CCDC192: variants seen among roughly 807,000 people sequenced by gnomAD.
CCDC192 encodes the protein coiled-coil domain-containing protein 192.
intron 2 of CCDC192, among the ~76,000 whole-genome samples, chr5:127,708,069 A>G (rs1004579833): frequency 3.9e-5 from 6 of 152,136 alleles, no homozygotes; most frequent in African/African-American, 1.2e-4. Flanking sequence ...TACTATAGAC[A>G]TCCCTGGGCT....
intron 6 of CCDC192, among the ~76,000 whole-genome samples, chr5:127,918,957 G>GTGTGTCTGTGTGTATATATGTGTATATA: frequency 7.8e-6 from 1 of 128,136 alleles, no homozygotes; most frequent in African/African-American, 3.4e-5. Flanking sequence ...GTGTATATAT[G>GTGTGTCTGTGTGTATATATGTGTATATA]TGTGTGTCTG....
At chr5:127,825,713 G>C (rs1032983022) in intron 5 of CCDC192, among the ~76,000 whole-genome samples, 1 of 152,144 alleles carries the variant, frequency 6.6e-6, no homozygotes, top group East Asian at 1.9e-4. Context: ...TCACTTTATG[G>C]AGGGCCAAAG....
At chr5:127,893,993 A>C (rs1007659597) in intron 6 of CCDC192, among the ~76,000 whole-genome samples, 5 of 151,986 alleles carry the variant, frequency 3.3e-5, no homozygotes, top group African/African-American at 1.2e-4. Flanking sequence ...GAATTATAGC[A>C]AAAAGATAAA....
intron 2 of CCDC192, among the ~76,000 whole-genome samples, chr5:127,753,354 C>T (rs760831797): frequency 6.6e-6 from 1 of 152,108 alleles, no homozygotes; most frequent in African/African-American, 2.4e-5. Flanking sequence ...TTGTGTTTTC[C>T]TACCAATTTT....
chr5:127,722,162 T>C (rs1752064627), intron 2 of CCDC192, among the ~76,000 whole-genome samples: 2 of 152,228 alleles, frequency 1.3e-5, no homozygotes, highest in Admixed American at 6.5e-5. Context: ...CCATTTTAAC[T>C]GGGGTGAGAT....
At chr5:127,719,552 T>C (rs370213581) in intron 2 of CCDC192, among the ~76,000 whole-genome samples, 846 of 24,236 alleles carry the variant, frequency 0.035, 50 homozygotes, top group Middle Eastern at 0.26. Context: ...TATATATATA[T>C]ATATATACAC....
intron 5 of CCDC192, among the ~76,000 whole-genome samples, chr5:127,855,846 G>A (rs1395337660): frequency 6.6e-6 from 1 of 152,082 alleles, no homozygotes; most frequent in African/African-American, 2.4e-5. Flanking sequence ...CTGAGCAGTG[G>A]GTCTCAACAG....
At chr5:127,726,817 C>G (rs1025079337) in intron 2 of CCDC192, among the ~76,000 whole-genome samples, 34 of 152,322 alleles carry the variant, frequency 2.2e-4, no homozygotes, top group African/African-American at 7.9e-4. Flanking sequence ...AGTCTTTCCC[C>G]TTGCTGGCTC....
chr5:127,774,750 A>T (rs752421664), intron 3 of CCDC192, among the ~76,000 whole-genome samples: 2 of 152,160 alleles, frequency 1.3e-5, no homozygotes, highest in South Asian at 4.2e-4. Context: ...TTGAGATTTC[A>T]TATGAATTTT....
intron 5 of CCDC192, among the ~76,000 whole-genome samples, chr5:127,808,277 T>C (rs1220528386): frequency 6.6e-6 from 1 of 152,156 alleles, no homozygotes; most frequent in Non-Finnish European, 1.5e-5. Context: ...AAATTCTCTT[T>C]ATCACATCTT....
intron 2 of CCDC192, among the ~76,000 whole-genome samples, chr5:127,723,248 T>C (rs1267436418): frequency 6.6e-6 from 1 of 152,210 alleles, no homozygotes; most frequent in Non-Finnish European, 1.5e-5. Context: ...CTTGATTTCT[T>C]TTTCAGGTTG....
At chr5:127,886,797 T>C (rs987728582) in intron 6 of CCDC192, among the ~76,000 whole-genome samples, 2 of 152,154 alleles carry the variant, frequency 1.3e-5, no homozygotes, top group African/African-American at 4.8e-5. Flanking sequence ...TTAACCCCTG[T>C]GTTGTTCAAG....
intron 2 of CCDC192, among the ~76,000 whole-genome samples, chr5:127,717,424 G>GA (rs1212802232): frequency 6.6e-6 from 1 of 151,702 alleles, no homozygotes; most frequent in African/African-American, 2.4e-5. Context: ...ATTCTCTGCA[G>GA]AAAAAAGCTT....
At chr5:127,805,969 G>A (rs920955180) in intron 5 of CCDC192, among the ~76,000 whole-genome samples, 3 of 152,152 alleles carry the variant, frequency 2.0e-5, no homozygotes, top group Non-Finnish European at 4.4e-5. Context: ...CTCAGAAGAG[G>A]AGGGGTTCTG....
At chr5:127,853,167 A>T (rs960265469) in intron 5 of CCDC192, among the ~76,000 whole-genome samples, 34 of 152,198 alleles carry the variant, frequency 2.2e-4, no homozygotes, top group Middle Eastern at 3.2e-3. Flanking sequence ...GTCCACCAGA[A>T]TATTCTACCA....
intron 1 of CCDC192, among the ~76,000 whole-genome samples, chr5:127,705,439 A>G (rs1309819082): frequency 6.6e-6 from 1 of 152,170 alleles, no homozygotes; most frequent in Non-Finnish European, 1.5e-5. Flanking sequence ...GTTTGGTTTC[A>G]TTCGGTGACT....
At chr5:127,785,224 C>T (rs918284730) in intron 3 of CCDC192, 100 of 520,528 alleles carry the variant, frequency 1.9e-4, no homozygotes, top group Middle Eastern at 4.9e-4. Context: ...GCCACTGTGA[C>T]AGCTGGCATA....
intron 6 of CCDC192, among the ~76,000 whole-genome samples, chr5:127,917,685 G>A (rs4836341): frequency 0.038 from 5,723 of 152,222 alleles, 402 homozygotes; most frequent in East Asian, 0.3. Context: ...TGTCTTATAT[G>A]GGTGCAGTTC....
intron 3 of CCDC192, among the ~76,000 whole-genome samples, chr5:127,762,592 T>G (rs1399434661): frequency 6.6e-6 from 1 of 152,180 alleles, no homozygotes; most frequent in Admixed American, 6.5e-5. Context: ...GCGGGATGTG[T>G]GGATTGTTGG....
Sources: gnomAD v4.1 joint callset for allele counts (sites outside exome capture counted in the v4.1 genomes callset) on GRCh38, gnomAD v4.1.1 for gene constraint, MANE v1.5 for transcripts, NCBI Gene and HGNC (gene_info 2026-07-23, HGNC 2026-07-21) for gene names.